Variants in NADK2 observed in about 807,000 individuals in gnomAD.
The protein encoded by NADK2 is NAD kinase domain-containing protein 1, mitochondrial.
Under a neutral mutation model 62.1 loss-of-function variants are expected in NADK2, and 35 were observed. The observed-to-expected ratio is 0.56, with a 90% confidence interval of 0.43 to 0.75. The LOEUF (loss-of-function observed/expected upper bound fraction) is 0.75, where lower values mean the gene tolerates loss of function less well. NADK2 is among the 30% of genes least tolerant of loss of function. The pLI, the probability that NADK2 is intolerant of heterozygous loss-of-function variation, is 0.00. For missense variants in NADK2, 439 were observed against 561.3 expected (o/e 0.78, Z 2.20); for synonymous variants, 205 against 207.9 (o/e 0.99, Z 0.12).
intron 1 of NADK2, among the ~76,000 whole-genome samples, chr5:36,240,874 C>T (rs902582558): frequency 8.5e-5 from 13 of 152,142 alleles, no homozygotes; most frequent in Non-Finnish European, 1.5e-4. Context: ...CTTCTTAGCA[C>T]CAAAGACCTG....
At chr5:36,222,483 A>G (rs1231579600) in intron 4 of NADK2, among the ~76,000 whole-genome samples, 3 of 152,230 alleles carry the variant, frequency 2.0e-5, no homozygotes, top group African/African-American at 7.2e-5. Flanking sequence ...TATATTTTTT[A>G]AGCTAAAGAA....
At chr5:36,211,551 T>C (rs1158853694) in intron 7 of NADK2, among the ~76,000 whole-genome samples, 2 of 27,450 alleles carry the variant, frequency 7.3e-5, no homozygotes, top group Admixed American at 2.3e-4. Flanking sequence ...TGAGACTCAG[T>C]CTCAAAAAAA....
chr5:36,230,842 AACT>A (rs1392017411), intron 1 of NADK2, among the ~76,000 whole-genome samples: 3 of 152,226 alleles, frequency 2.0e-5, no homozygotes, highest in African/African-American at 7.2e-5. Context: ...GTGTTCATTT[AACT>A]ACTAGTTGAA....
At chr5:36,219,051 A>T (rs1049796337) in intron 5 of NADK2, among the ~76,000 whole-genome samples, 3 of 152,248 alleles carry the variant, frequency 2.0e-5, no homozygotes, top group African/African-American at 7.2e-5. Flanking sequence ...CAGTTATATT[A>T]TAGGCCAACC....
At chr5:36,238,762 A>G (rs775603948) in intron 1 of NADK2, among the ~76,000 whole-genome samples, 10 of 152,250 alleles carry the variant, frequency 6.6e-5, no homozygotes, top group Non-Finnish European at 1.3e-4. Flanking sequence ...ATCTGATATC[A>G]CAAAATAAGT....
intron 11 of NADK2, among the ~76,000 whole-genome samples, chr5:36,196,014 CTGT>C (rs1303074126): frequency 1.3e-5 from 2 of 152,118 alleles, no homozygotes; most frequent in East Asian, 3.8e-4. Flanking sequence ...GAAATCACTT[CTGT>C]TATATGAAAA....
chr5:36,224,163 G>A (rs1228500865), intron 4 of NADK2, among the ~76,000 whole-genome samples: 2 of 152,140 alleles, frequency 1.3e-5, no homozygotes, highest in East Asian at 3.9e-4. Flanking sequence ...ACCGCCAAGT[G>A]CTGAAGACTA....
intron 5 of NADK2, among the ~76,000 whole-genome samples, chr5:36,218,886 G>A (rs989086125): frequency 6.6e-6 from 1 of 152,136 alleles, no homozygotes; most frequent in Non-Finnish European, 1.5e-5. Flanking sequence ...TACTAGATGG[G>A]AGATAAAGAT....
chr5:36,233,323 C>T (rs980169703), intron 1 of NADK2, among the ~76,000 whole-genome samples: 8 of 152,126 alleles, frequency 5.3e-5, no homozygotes, highest in Admixed American at 1.3e-4. Flanking sequence ...TTTCATACAA[C>T]GTCCAAAATG....
In NADK2 at chr5:36,241,478, C is replaced by A; in HGVS notation, c.300+21G>T. 6.6e-7 allele frequency: 1 copy of A among 1,514,112 alleles called. No individual in the cohort carries two copies. Among genetic ancestry groups the A allele is most frequent in the African/African-American group, 1.4e-5 (1 of 69,776 alleles). 93.8% of individuals were successfully genotyped at this position (1,514,112 alleles called of 1,614,324 possible). A position where few individuals can be genotyped will look rare whatever the true frequency, so the allele number is the denominator to read the frequency against. On this transcript the variant is annotated intron_variant, in intron 1 of 11. Coordinates refer to ENST00000381937, the MANE Select transcript of NADK2 (RefSeq NM_001085411.3). The surrounding 1 kb of genome is among the most constrained non-coding windows in gnomAD (Gnocchi z 4.9). ...GCCCCGGCCGAGCCCGGGAGCGAAG[C>A]GGGGCCGAGCCAGGACCCACCAGCT...
rs184096596 is a variant in NADK2 at position 36,205,937 on chromosome 5, T to C, written c.956+1233A>G. ...GACTGGATAAAGAAAATGTGGCACA[T>C]ATATACCATGGAATACTATGCAGCC... On this transcript the variant is annotated intron_variant, in intron 8 of 11. Coordinates refer to ENST00000381937, the MANE Select transcript of NADK2 (RefSeq NM_001085411.3). The surrounding 1 kb of genome is among the most constrained non-coding windows in gnomAD (Gnocchi z 4.1). Among the ~76,000 whole-genome samples the C allele has an allele frequency of 1.1e-3, 172 of 152,214 alleles. No homozygotes were observed. The highest frequency in any genetic ancestry group is 3.9e-3 in the African/African-American group (162 of 41,510).
intron 7 of NADK2, among the ~76,000 whole-genome samples, chr5:36,210,126 C>T (rs6881555): frequency 0.062 from 9,405 of 152,114 alleles, 1,026 homozygotes; most frequent in African/African-American, 0.22. Flanking sequence ...CTTCAAAGGG[C>T]CACTCACATG....
At chr5:36,235,356 A>G (rs1259483099) in intron 1 of NADK2, among the ~76,000 whole-genome samples, 3 of 152,228 alleles carry the variant, frequency 2.0e-5, no homozygotes, top group Admixed American at 2.0e-4. Flanking sequence ...CATTTACATA[A>G]TGATCATTAT....
intron 1 of NADK2, among the ~76,000 whole-genome samples, chr5:36,230,535 T>C (rs1747670170): frequency 6.6e-6 from 1 of 152,258 alleles, no homozygotes. Flanking sequence ...CTTACTTATC[T>C]TGTTTGCCAT....
In NADK2 at chr5:36,225,542, C is replaced by A; in HGVS notation, c.560G>T (p.Arg187Leu). 1 of 1,609,086 alleles carries A rather than the reference C, an allele frequency of 6.2e-7. No homozygotes were observed. Among genetic ancestry groups the A allele is most frequent in the Non-Finnish European group, 8.5e-7 (1 of 1,177,812 alleles). ...ACAAAATGTATACGTTCTTTCTTAC[C>A]GTTCTGGATCAGTGTTTACCCCTAT... Reference protein sequence around the residue: ...PVIGVNTDPERSEGHLCLPVR... With the variant: ...PVIGVNTDPELSEGHLCLPVR... The change falls in exon 4 of 12, where the codon CGG (arginine) becomes CTG (leucine). Residue 187 changes from arginine to leucine, a missense_variant and splice_region_variant. By Grantham distance (102) the Arg-to-Leu change is moderately radical. Transcript: ENST00000381937.
At chr5:36,207,324 G>GTC in intron 7 of NADK2, 59 bp from the exon 8 acceptor site, 2 of 1,224,982 alleles carry the variant, frequency 1.6e-6, no homozygotes, top group South Asian at 2.6e-5. Flanking sequence ...AAATAAGAGA[G>GTC]TCTTCTTCAG....
chr5:36,208,589 G>A (rs958378921), intron 7 of NADK2: 3 of 1,415,252 alleles, frequency 2.1e-6, no homozygotes, highest in Non-Finnish European at 2.9e-6. Flanking sequence ...TTTTGTTTCA[G>A]GGAAATTATT....
At chr5:36,227,109 A>G (rs1579630298) in intron 2 of NADK2, among the ~76,000 whole-genome samples, 2 of 152,196 alleles carry the variant, frequency 1.3e-5, no homozygotes, top group Non-Finnish European at 2.9e-5. Flanking sequence ...ATTTTTGGAC[A>G]GAAGTTTCTA....
rs770794961 is a variant in NADK2 at position 36,225,672 on chromosome 5, A to C, written c.479-49T>G. ...AAGACATAACCAAATTTCTGTTATAAATCTAGTTTTTGGCCATTTTGAAAA... is the reference window on the plus strand; with the variant it reads ...AAGACATAACCAAATTTCTGTTATACATCTAGTTTTTGGCCATTTTGAAAA... On this transcript the variant is annotated intron_variant, in intron 3 of 11. Coordinates refer to ENST00000381937, the MANE Select transcript of NADK2 (RefSeq NM_001085411.3). 4 of 1,570,840 alleles carry C rather than the reference A, an allele frequency of 2.5e-6. No individual in the cohort carries two copies. The Admixed American group carries it at 6.9e-5, about 27-fold the overall frequency.
Sources: allele counts gnomAD v4.1 joint callset (sites outside exome capture counted in the v4.1 genomes callset), GRCh38; gene constraint gnomAD v4.1.1; non-coding constraint Gnocchi (gnomAD v3.1); transcripts MANE v1.5; gene names NCBI Gene and HGNC (gene_info 2026-07-23, HGNC 2026-07-21).